ART1: variants seen among roughly 807,000 people sequenced by gnomAD.
ART1 encodes ADP-ribosyltransferase 1, also known as GPI-linked NAD(P)(+)--arginine ADP-ribosyltransferase 1.
Under a neutral mutation model 27.0 loss-of-function variants are expected in ART1, and 29 were observed. The observed-to-expected ratio is 1.08, with a 90% confidence interval of 0.80 to 1.47. The LOEUF (loss-of-function observed/expected upper bound fraction) is 1.47. Among genes scored for constraint, ART1 ranks in the 40% most tolerant of loss-of-function variants. The probability of loss-of-function intolerance (pLI) is 0.00; values close to 1 mark genes in which losing one functional copy is unlikely to be tolerated. For synonymous variants in ART1, 201 were observed against 172.2 expected (o/e 1.17, Z -1.31); for missense variants, 480 against 423.0 (o/e 1.13, Z -1.18).
At chr11:3,650,474 C>G (rs1449997994) in intron 1 of ART1, among the ~76,000 whole-genome samples, 1 of 152,194 alleles carries the variant, frequency 6.6e-6, no homozygotes. Flanking sequence ...TTGAGTAACT[C>G]TCACAGTGGA....
At chr11:3,653,583 C>A (rs961330387) in intron 1 of ART1, among the ~76,000 whole-genome samples, 50 of 152,170 alleles carry the variant, frequency 3.3e-4, no homozygotes, top group African/African-American at 1.2e-3. Context: ...TGATTAAAAG[C>A]TTTATTGCTC....
At position 3,659,606 on chromosome 11, in the gene ART1, A is replaced by T. The variant is rs755973140; in HGVS notation, c.87A>T (p.Arg29=). ...ALQAQSHPIT[R]RDLFSQEIQL... is the part of the protein sequence containing the mutation. ...AGGCCCAGAGCCACCCCATCACACGACGAGACCTCTTCTCTCAAGAGATTC... is the reference window on the plus strand; with the variant it reads ...AGGCCCAGAGCCACCCCATCACACGTCGAGACCTCTTCTCTCAAGAGATTC... Residue 29 remains arginine (R), a synonymous_variant, in exon 3 of 5, where the codon CGA becomes CGT. Transcript: ENST00000250693. The T allele has an allele frequency of 1.2e-6, 2 of 1,608,254 alleles. No homozygotes were observed. The highest frequency in any genetic ancestry group is 1.7e-6 in the Non-Finnish European group (2 of 1,178,092).
At chr11:3,655,722 GTCATGTGCCCAT>G (rs1175695753) in intron 1 of ART1, 1 of 152,088 alleles carries the variant, frequency 6.6e-6, no homozygotes, top group Non-Finnish European at 1.5e-5. Context: ...GCCTTCTTGG[GTCATGTGCCCAT>G]CCATGAGCCA....
chr11:3,647,002 AC>A (rs1455384560), intron 1 of ART1, among the ~76,000 whole-genome samples: 2 of 152,136 alleles, frequency 1.3e-5, no homozygotes, highest in African/African-American at 4.8e-5. Flanking sequence ...CTACATGAAA[AC>A]CAAAAACAAA....
At chr11:3,652,039 A>G (rs1200014074) in intron 1 of ART1, among the ~76,000 whole-genome samples, 2 of 151,490 alleles carry the variant, frequency 1.3e-5, no homozygotes, top group African/African-American at 4.9e-5. Context: ...ATCTATCCTC[A>G]AGGAAATAAC....
At position 3,659,892 on chromosome 11, in the gene ART1, A is replaced by T; in HGVS notation, c.373A>T (p.Ser125Cys). Residue 125 changes from serine to cysteine, a missense_variant, in exon 3 of 5, where the codon AGC becomes TGC. By Grantham distance (112) the Ser-to-Cys change is moderately radical (BLOSUM62 -1). Transcript: ENST00000250693. ...GGCCCTCCTGGCCTACACAGCCAAC[A>T]GCCCCCTGCACAAGGAGTTCAATGC... ...GVALLAYTAN[S>C]PLHKEFNAAV... 6.2e-7 allele frequency: 1 copy of T among 1,612,950 alleles called. No homozygotes were observed. Among genetic ancestry groups the T allele is most frequent in the Non-Finnish European group, 8.5e-7 (1 of 1,179,586 alleles).
At chr11:3,659,306 A>AG (rs2077598803) in intron 2 of ART1, 30 bp downstream of exon 2, 3 of 1,613,694 alleles carry the variant, frequency 1.9e-6, no homozygotes, top group Non-Finnish European at 2.5e-6. Flanking sequence ...TTCCCACCCC[A>AG]GCAGGGAACT....
intron 1 of ART1, chr11:3,655,580 A>G (rs2133957675): frequency 6.6e-6 from 1 of 152,354 alleles, no homozygotes; most frequent in South Asian, 2.1e-4. Flanking sequence ...AGCCTGCATG[A>G]GAACTATCCA....
At chr11:3,663,985 A>C (rs2077641816) in intron 4 of ART1, 107 bp from the exon 5 acceptor site, 2 of 1,013,224 alleles carry the variant, frequency 2.0e-6, no homozygotes, top group East Asian at 5.2e-5. Context: ...TCACTCTGCC[A>C]ATCTCTCCAC....
At chr11:3,651,080 C>T (rs1161405488) in intron 1 of ART1, among the ~76,000 whole-genome samples, 3 of 152,064 alleles carry the variant, frequency 2.0e-5, no homozygotes, top group Admixed American at 6.6e-5. Flanking sequence ...TCAGAATCCG[C>T]GCCTTATCAA....
chr11:3,651,414 T>C lies in ART1; in HGVS notation c.-53+6235T>C, dbSNP rs2077520878. On this transcript the variant is annotated intron_variant, in intron 1 of 4. Transcript: ENST00000250693. ...ACACACGTGCTCTCCCTGCTGATAGTGTCTGATTAATCTCCCAAACCTCAA... is the reference window on the plus strand; with the variant it reads ...ACACACGTGCTCTCCCTGCTGATAGCGTCTGATTAATCTCCCAAACCTCAA... Among the ~76,000 whole-genome samples, 2 of 142,998 alleles carry C rather than the reference T, an allele frequency of 1.4e-5. 1 individual carries two copies. The highest frequency in any genetic ancestry group is 3.0e-5 in the Non-Finnish European group (2 of 66,636). 93.8% of individuals were successfully genotyped at this position (142,998 alleles called of 152,430 possible).
At chr11:3,651,604 G>A (rs7484176) in intron 1 of ART1, among the ~76,000 whole-genome samples, 113,674 of 150,152 alleles carry the variant, frequency 0.76, 43,645 homozygotes, top group Middle Eastern at 0.88. Context: ...TGCTTTAATA[G>A]TTTTAGAGGC....
intron 1 of ART1, among the ~76,000 whole-genome samples, chr11:3,647,005 A>AAAAAC (rs545179929): frequency 1.3e-5 from 2 of 152,164 alleles, no homozygotes; most frequent in Non-Finnish European, 2.9e-5. Context: ...CATGAAAACC[A>AAAAAC]AAAACAAAAC....
intron 1 of ART1, among the ~76,000 whole-genome samples, chr11:3,655,201 G>T (rs76942646): frequency 0.083 from 12,614 of 152,162 alleles, 1,167 homozygotes; most frequent in African/African-American, 0.22. Flanking sequence ...GACTAAAGAA[G>T]AATCTTCCAA....
At chr11:3,651,719 C>A (rs1488703518) in intron 1 of ART1, among the ~76,000 whole-genome samples, 1 of 148,838 alleles carries the variant, frequency 6.7e-6, no homozygotes, top group Non-Finnish European at 1.5e-5. Flanking sequence ...GATCCCCCAG[C>A]TCCTTCAGCT....
intron 1 of ART1, among the ~76,000 whole-genome samples, chr11:3,646,059 T>TTTG (rs2077467827): frequency 7.1e-6 from 1 of 140,608 alleles, no homozygotes; most frequent in African/African-American, 3.2e-5. Context: ...TGTTTGTTTG[T>TTTG]TTTGTTTTTT....
chr11:3,663,089 A>ATCATCTCATCTCATCATC (rs2077634263), intron 4 of ART1, among the ~76,000 whole-genome samples: 16 of 87,052 alleles, frequency 1.8e-4, no homozygotes, highest in East Asian at 1.2e-3. Context: ...ATCTCATCTC[A>ATCATCTCATCTCATCATC]TCATCTCATC....
intron 2 of ART1, 136 bp downstream of exon 2, chr11:3,659,412 C>T (rs2077599496): frequency 2.9e-6 from 4 of 1,395,958 alleles, no homozygotes; most frequent in Non-Finnish European, 4.0e-6. Context: ...AAGGGGACAG[C>T]TCCAGATGCT....
chr11:3,653,432 T>C (rs1230195883), intron 1 of ART1, among the ~76,000 whole-genome samples: 3 of 148,332 alleles, frequency 2.0e-5, no homozygotes, highest in Admixed American at 1.3e-4. Flanking sequence ...ACTGCGCACC[T>C]TGTGACCCCC....
Sources: allele counts gnomAD v4.1 joint callset (sites outside exome capture counted in the v4.1 genomes callset), GRCh38; gene constraint gnomAD v4.1.1; transcripts MANE v1.5; gene names NCBI Gene and HGNC (gene_info 2026-07-23, HGNC 2026-07-21).